The following CATSPERE variants were observed in gnomAD, a reference collection of about 807,000 sequenced individuals.
CATSPERE encodes catsper channel auxiliary subunit epsilon, also known as cation channel sperm-associated auxiliary subunit epsilon.
CATSPERE carries 93 observed loss-of-function variants against 114.1 expected under a neutral mutation model. The ratio of observed to expected loss-of-function variants is 0.81; its 90% CI spans 0.69 to 0.97. CATSPERE has a LOEUF of 0.97. Among genes scored for constraint, CATSPERE ranks in the 50% least tolerant of loss-of-function variants. The pLI is 0.00. For synonymous variants in CATSPERE, 341 were observed against 384.1 expected (o/e 0.89, Z 1.31); for missense variants, 1,058 against 1,131.6 (o/e 0.93, Z 0.93).
intron 7 of CATSPERE, 105 bp downstream of exon 7, chr1:244,499,184 A>G: frequency 1.4e-6 from 1 of 721,414 alleles, no homozygotes; most frequent in Non-Finnish European, 2.3e-6. Flanking sequence ...TAAGCTGCCC[A>G]CACCTAACTA....
At chr1:244,479,889 C>A in intron 5 of CATSPERE, 105 bp downstream of exon 5, 1 of 508,480 alleles carries the variant, frequency 2.0e-6, no homozygotes, top group South Asian at 5.1e-5. Context: ...TTCCATACAA[C>A]TTTCATTCAC....
chr1:244,596,869 G>A (rs2148657846), intron 17 of CATSPERE, among the ~76,000 whole-genome samples: 1 of 152,012 alleles, frequency 6.6e-6, no homozygotes, highest in East Asian at 1.9e-4. Flanking sequence ...TGAGGAACAT[G>A]AATGACTCCA....
intron 20 of CATSPERE, among the ~76,000 whole-genome samples, chr1:244,629,903 C>T (rs1157322546): frequency 6.6e-6 from 1 of 150,814 alleles, no homozygotes; most frequent in Admixed American, 6.6e-5. Context: ...GCCTCCCAAA[C>T]TGCTGGGATT....
chr1:244,468,640 C>A (rs1051702716), intron 2 of CATSPERE, among the ~76,000 whole-genome samples: 8 of 151,940 alleles, frequency 5.3e-5, no homozygotes, highest in Admixed American at 3.3e-4. Flanking sequence ...AGGAAGGGGC[C>A]TAGTGTTGTG....
At chr1:244,470,478 C>T (rs755168541) in intron 2 of CATSPERE, among the ~76,000 whole-genome samples, 2 of 152,136 alleles carry the variant, frequency 1.3e-5, no homozygotes, top group Non-Finnish European at 2.9e-5. Flanking sequence ...ACTTCGCACC[C>T]GCTCAGATGT....
At chr1:244,508,831 T>TAAA (rs960028586) in intron 7 of CATSPERE, among the ~76,000 whole-genome samples, 2 of 114,242 alleles carry the variant, frequency 1.8e-5, no homozygotes, top group Admixed American at 9.1e-5. Flanking sequence ...ACCCTATCTC[T>TAAA]AAAAAAAAAA....
At chr1:244,581,296 A>C (rs1178463566) in intron 11 of CATSPERE, among the ~76,000 whole-genome samples, 1 of 152,196 alleles carries the variant, frequency 6.6e-6, no homozygotes, top group Admixed American at 6.5e-5. Context: ...AATGTACTAC[A>C]AGATATCCTT....
At chr1:244,634,475 G>A (rs972701853) in intron 20 of CATSPERE, among the ~76,000 whole-genome samples, 13 of 152,178 alleles carry the variant, frequency 8.5e-5, no homozygotes, top group Non-Finnish European at 1.6e-4. Flanking sequence ...ATGTAGGTAG[G>A]TGAAATCATG....
chr1:244,483,747 G>T (rs1670602665), intron 5 of CATSPERE, among the ~76,000 whole-genome samples: 1 of 151,818 alleles, frequency 6.6e-6, no homozygotes, highest in African/African-American at 2.4e-5. Flanking sequence ...AAAGTATTCT[G>T]TCCCAGTTTA....
chr1:244,486,204 G>C (rs1487109654), intron 5 of CATSPERE, among the ~76,000 whole-genome samples: 2 of 152,206 alleles, frequency 1.3e-5, no homozygotes, highest in African/African-American at 4.8e-5. Flanking sequence ...CTCACTACCT[G>C]TCATGGTGTT....
At chr1:244,499,131 T>C (rs1379421643) in intron 7 of CATSPERE, 52 bp downstream of exon 7, 2 of 1,378,500 alleles carry the variant, frequency 1.5e-6, no homozygotes, top group Non-Finnish European at 2.1e-6. Context: ...CTGCCTTTCT[T>C]TTGTAGGGAC....
intron 5 of CATSPERE, among the ~76,000 whole-genome samples, chr1:244,490,225 C>T (rs1671791756): frequency 6.6e-6 from 1 of 152,138 alleles, no homozygotes; most frequent in Non-Finnish European, 1.5e-5. Flanking sequence ...CAGATTTAAG[C>T]CACTCAGCCT....
At chr1:244,626,129 A>G (rs1673166305) in intron 20 of CATSPERE, among the ~76,000 whole-genome samples, 1 of 152,170 alleles carries the variant, frequency 6.6e-6, no homozygotes, top group South Asian at 2.1e-4. Context: ...GCCTCTAACA[A>G]GAAAGTCAGC....
Position 244,479,768 on chromosome 1 carries a change from T to A in CATSPERE, c.310T>A (p.Trp104Arg). The change falls in exon 5 of 22, where the codon TGG becomes AGG. Residue 104 changes from tryptophan (W) to arginine (R), a missense_variant. By Grantham distance (101) the Trp-to-Arg change is moderately radical (BLOSUM62 -3). Around this residue, in one of 2 missense-constraint regions of CATSPERE, gnomAD observed 271 missense variants for 225.9 expected, o/e 1.20. Coordinates refer to ENST00000366534, the MANE Select transcript of CATSPERE (RefSeq NM_001130957.2). ...FVESSHTCFLWYYRVRHFFNN... is the reference protein window; with the variant it reads ...FVESSHTCFLRYYRVRHFFNN... The stretch of plus-strand genomic sequence containing the variant: ...GGAAAGTTCTCATACTTGCTTTCTG[T>A]GGTACTATAGAGTTAGGTAAGTAAT... 1 of 1,594,582 alleles carries A rather than the reference T, an allele frequency of 6.3e-7. No homozygotes were observed. The highest frequency in any genetic ancestry group is 8.6e-7 in the Non-Finnish European group (1 of 1,166,668).
chr1:244,499,860 A>C (rs951005291), intron 7 of CATSPERE, among the ~76,000 whole-genome samples: 1 of 152,156 alleles, frequency 6.6e-6, no homozygotes, highest in Non-Finnish European at 1.5e-5. Context: ...TTATATACCC[A>C]CTAATGGGAT....
chr1:244,513,358 T>C (rs142683003), intron 7 of CATSPERE, among the ~76,000 whole-genome samples: 1,556 of 152,250 alleles, frequency 0.01, 23 homozygotes, highest in African/African-American at 0.036. Flanking sequence ...GACAGGTCTA[T>C]TCTCAGGCCC....
At chr1:244,522,607 AAG>A (rs898053054) in intron 8 of CATSPERE, among the ~76,000 whole-genome samples, 46 of 152,342 alleles carry the variant, frequency 3.0e-4, no homozygotes, top group African/African-American at 1.1e-3. Flanking sequence ...TAAAGAAAAA[AAG>A]AGAGAAGAAT....
intron 15 of CATSPERE, among the ~76,000 whole-genome samples, chr1:244,592,035 T>C (rs529845560): frequency 6.6e-6 from 1 of 152,180 alleles, no homozygotes; most frequent in African/African-American, 2.4e-5. Context: ...TTTTTTTCCT[T>C]ACATAATTTT....
chr1:244,526,448 T>C (rs1345315173), intron 8 of CATSPERE, among the ~76,000 whole-genome samples: 2 of 151,660 alleles, frequency 1.3e-5, no homozygotes, highest in African/African-American at 4.8e-5. Flanking sequence ...ATTTCTTACA[T>C]GTCCTTGTAT....
Sources: allele counts gnomAD v4.1 joint callset (sites outside exome capture counted in the v4.1 genomes callset), GRCh38; gene constraint gnomAD v4.1.1; regional missense constraint gnomAD v4.1.1; transcripts MANE v1.5; gene names NCBI Gene and HGNC (gene_info 2026-07-23, HGNC 2026-07-21).